TENM2: variants seen among roughly 807,000 people sequenced by gnomAD.
TENM2 encodes the protein teneurin transmembrane protein 2, also known as teneurin-2.
TENM2 carries 52 observed loss-of-function variants against 245.2 expected under a neutral mutation model. The ratio of observed to expected loss-of-function variants is 0.21; its 90% CI spans 0.17 to 0.27. The LOEUF is 0.27. TENM2 is among the 10% of genes least tolerant of loss of function. The probability of loss-of-function intolerance (pLI) is 1.00; values close to 1 mark genes in which losing one functional copy is unlikely to be tolerated. For missense variants in TENM2, 3,046 were observed against 3,666.8 expected (o/e 0.83, Z 4.37); for synonymous variants, 1,363 against 1,438.9 (o/e 0.95, Z 1.19).
chr5:167,364,766 A>G (rs1759939537), intron 1 of TENM2, among the ~76,000 whole-genome samples: 1 of 152,038 alleles, frequency 6.6e-6, no homozygotes, highest in Non-Finnish European at 1.5e-5. Flanking sequence ...TAGGGATATA[A>G]AAGTCTATGT....
chr5:167,285,205 T>C, intron 1 of TENM2, 142 bp downstream of exon 3: 1 of 640,202 alleles, frequency 1.6e-6, no homozygotes, highest in Non-Finnish European at 2.8e-6. Flanking sequence ...ATAAAGGACA[T>C]TCCTAACAAC....
At chr5:167,482,767 A>G (rs183786104) in intron 2 of TENM2, among the ~76,000 whole-genome samples, 1 of 152,350 alleles carries the variant, frequency 6.6e-6, no homozygotes, top group Non-Finnish European at 1.5e-5. Context: ...AAACACCAGT[A>G]GAACCTCTCT....
the TENM2 span, among the ~76,000 whole-genome samples, chr5:167,124,297 C>G: frequency 1.3e-5 from 2 of 152,146 alleles, no homozygotes; most frequent in Non-Finnish European, 2.9e-5. Flanking sequence ...ATGTATTATT[C>G]CTGGTCCATC....
At chr5:167,986,405 C>T (rs1783251128) in intron 4 of TENM2, among the ~76,000 whole-genome samples, 1 of 152,198 alleles carries the variant, frequency 6.6e-6, no homozygotes, top group African/African-American at 2.4e-5. Context: ...ATCCCAAGCC[C>T]CTAACCTGTG....
At chr5:167,067,116 T>C in the TENM2 span, among the ~76,000 whole-genome samples, 7 of 152,204 alleles carry the variant, frequency 4.6e-5, no homozygotes, top group African/African-American at 1.2e-4. Flanking sequence ...GTTGAAGTGA[T>C]TCTGTATAAA....
intron 2 of TENM2, among the ~76,000 whole-genome samples, chr5:167,783,763 G>A (rs1450085896): frequency 1.3e-5 from 2 of 152,048 alleles, no homozygotes; most frequent in Admixed American, 6.5e-5. Context: ...CCAGCAAATC[G>A]CTTGGTCCTG....
rs549441172 is a variant in TENM2 at position 168,149,347 on chromosome 5, C to G, written c.2423-13264C>G. On this transcript the variant is annotated intron_variant, in intron 12 of 28. Transcript: ENST00000518659. The stretch of plus-strand genomic sequence containing the variant: ...GCAACTTGGAGAGGAGGGCAGAATC[C>G]TCACAAAATCCAGCTTCAGCAACCT... 4.0e-4 allele frequency: 181 copies of G among 456,720 alleles called. 1 individual carries two copies. Among genetic ancestry groups the G allele is most frequent in the Non-Finnish European group, 6.5e-4 (147 of 226,842 alleles). The allele number at this position is 456,720 out of a possible 1,614,324, so 28.3% of individuals were successfully genotyped here. A position where few individuals can be genotyped will look rare whatever the true frequency, so the allele number is the denominator to read the frequency against.
At chr5:167,456,077 T>C (rs1015298178) in intron 2 of TENM2, among the ~76,000 whole-genome samples, 8 of 152,152 alleles carry the variant, frequency 5.3e-5, no homozygotes, top group Non-Finnish European at 1.0e-4. Context: ...AGACAACGTC[T>C]CTAATAGATT....
chr5:167,428,585 G>A (rs1417564201), intron 2 of TENM2, among the ~76,000 whole-genome samples: 3 of 152,080 alleles, frequency 2.0e-5, no homozygotes, highest in East Asian at 1.9e-4. Context: ...AATTTCACAT[G>A]TGCCTTTGCA....
chr5:167,531,514 C>G (rs1006660670), intron 2 of TENM2, among the ~76,000 whole-genome samples: 3 of 151,780 alleles, frequency 2.0e-5, no homozygotes, highest in African/African-American at 7.3e-5. Context: ...AAGATACTCT[C>G]TCAGTAATTT....
In TENM2 at chr5:168,069,186, C is replaced by T. The variant is rs190767945; in HGVS notation, c.1515+6921C>T. ...GCCTGGCATTTCGTTGAACAGTATCCATCAGTGCAATTGCTTGTATGACTT... is the reference window on the plus strand; with the variant it reads ...GCCTGGCATTTCGTTGAACAGTATCTATCAGTGCAATTGCTTGTATGACTT... On this transcript the variant is annotated intron_variant, in intron 7 of 28. Transcript: ENST00000518659. Among the ~76,000 whole-genome samples the T allele has an allele frequency of 4.7e-3, 721 of 152,232 alleles. 2 individuals carry two copies. Among genetic ancestry groups the T allele is most frequent in the Middle Eastern group, 0.017 (5 of 294 alleles).
the TENM2 span, among the ~76,000 whole-genome samples, chr5:167,090,744 A>G: frequency 6.6e-6 from 1 of 152,230 alleles, no homozygotes; most frequent in Non-Finnish European, 1.5e-5. Flanking sequence ...TGCAACAAAT[A>G]GTAGAGTAGT....
rs1422219672 is a variant in TENM2 at position 167,820,295 on chromosome 5, A to G, written c.503-55691A>G. Among the ~76,000 whole-genome samples the G allele has an allele frequency of 2.0e-5, 3 of 152,216 alleles. No individual in the cohort carries two copies. The East Asian group carries it at 5.8e-4, about 29-fold the overall frequency. The stretch of plus-strand genomic sequence containing the variant: ...TTTAATTGTATCCATGAGGATTCTT[A>G]GTAATCAGGATGCCAGTGTGTGTTT... On this transcript the variant is annotated intron_variant, in intron 2 of 28. Transcript: ENST00000518659.
rs1776693180 is a variant in TENM2 at position 167,913,351 on chromosome 5, C to G, written c.712+37156C>G. ...AAGAAGCAAGTTTCACATACTGCCA[C>G]CAATCATATTTTCATATTGGGCAAG... On this transcript the variant is annotated intron_variant, in intron 3 of 28. Transcript: ENST00000518659. Among the ~76,000 whole-genome samples, 5 of 152,258 alleles carry G rather than the reference C, an allele frequency of 3.3e-5. No individual in the cohort carries two copies. In the South Asian group the frequency reaches 1.0e-3, roughly 32 times the overall value.
chr5:167,002,692 G>C, the TENM2 span, among the ~76,000 whole-genome samples: 1 of 151,450 alleles, frequency 6.6e-6, no homozygotes. Flanking sequence ...CCTGTTCTTC[G>C]AGCCCAGGAG....
At chr5:167,832,203 G>A (rs1010033189) in intron 2 of TENM2, among the ~76,000 whole-genome samples, 3 of 152,196 alleles carry the variant, frequency 2.0e-5, no homozygotes, top group Non-Finnish European at 4.4e-5. Context: ...AAAGAGGAAA[G>A]TATTTAGAGG....
chr5:167,182,057 C>T, the TENM2 span, among the ~76,000 whole-genome samples: 1 of 152,002 alleles, frequency 6.6e-6, no homozygotes, highest in African/African-American at 2.4e-5. Context: ...AACTAATATC[C>T]CTATCAAATT....
intron 2 of TENM2, among the ~76,000 whole-genome samples, chr5:167,739,375 G>T (rs1454347013): frequency 2.0e-5 from 3 of 152,156 alleles, no homozygotes; most frequent in Non-Finnish European, 4.4e-5. Flanking sequence ...GTGATAATCT[G>T]CAGTAATTCT....
At chr5:167,482,467 T>C (rs981486048) in intron 2 of TENM2, among the ~76,000 whole-genome samples, 4 of 152,186 alleles carry the variant, frequency 2.6e-5, no homozygotes, top group Admixed American at 1.3e-4. Context: ...AAAATTATGC[T>C]GACTAATTTA....
Sources: gnomAD v4.1 joint callset for allele counts (sites outside exome capture counted in the v4.1 genomes callset) on GRCh38, gnomAD v4.1.1 for gene constraint, MANE v1.5 for transcripts, NCBI Gene and HGNC (gene_info 2026-07-23, HGNC 2026-07-21) for gene names.